NECTIN1: variants seen among roughly 807,000 people sequenced by gnomAD.
NECTIN1 encodes nectin cell adhesion molecule 1, also known as nectin-1.
In NECTIN1, 23 loss-of-function variants were observed where a neutral mutation model predicts 48.0. The ratio of observed to expected loss-of-function variants is 0.48; its 90% CI spans 0.34 to 0.68. The LOEUF (loss-of-function observed/expected upper bound fraction) is 0.68, where lower values mean the gene tolerates loss of function less well. NECTIN1 is among the 30% of genes least tolerant of loss of function. NECTIN1 has a pLI of 0.01. For synonymous variants in NECTIN1, 270 were observed against 288.9 expected, an observed-to-expected ratio of 0.93 and a Z score of 0.66; for missense variants, 591 against 709.9, an observed-to-expected ratio of 0.83 and a Z score of 1.90.
chr11:119,638,593 T>C (rs1864271901), intron 7 of NECTIN1: 2 of 842,614 alleles, frequency 2.4e-6, no homozygotes, highest in South Asian at 2.9e-5. Flanking sequence ...CCCTCTAGCA[T>C]GGACCTGGCC....
At chr11:119,723,111 C>T (rs181955744) in intron 1 of NECTIN1, among the ~76,000 whole-genome samples, 192 of 142,840 alleles carry the variant, frequency 1.3e-3, no homozygotes, top group Middle Eastern at 3.8e-3. Context: ...CCCAGCTACT[C>T]GGGAGGCTGA....
intron 1 of NECTIN1, among the ~76,000 whole-genome samples, chr11:119,681,674 C>T (rs901842001): frequency 7.2e-5 from 11 of 152,154 alleles, no homozygotes; most frequent in African/African-American, 2.7e-4. Flanking sequence ...GCAGGGGCAG[C>T]CCACGTCTAT....
At chr11:119,644,568 C>T (rs113370257) in intron 5 of NECTIN1, among the ~76,000 whole-genome samples, 5 of 152,292 alleles carry the variant, frequency 3.3e-5, no homozygotes, top group African/African-American at 9.6e-5. Flanking sequence ...GCATTGTGCC[C>T]GGTGTGAGGG....
At chr11:119,728,424 C>T in intron 1 of NECTIN1, 51 bp downstream of exon 1, 2 of 1,515,128 alleles carry the variant, frequency 1.3e-6, no homozygotes, top group Non-Finnish European at 1.8e-6. Context: ...GGCTCCCAGC[C>T]CCGGGGAGGC....
intron 5 of NECTIN1, among the ~76,000 whole-genome samples, chr11:119,649,470 A>C (rs1864459240): frequency 6.6e-6 from 1 of 151,866 alleles, no homozygotes; most frequent in Non-Finnish European, 1.5e-5. Context: ...GGTGGATTGC[A>C]TGAGCTCAGG....
At chr11:119,728,413 C>T (rs1190826977) in intron 1 of NECTIN1, 62 bp downstream of exon 1, 2 of 1,479,614 alleles carry the variant, frequency 1.4e-6, no homozygotes, top group Admixed American at 4.0e-5. Flanking sequence ...GCCCGCCATC[C>T]GGCTCCCAGC....
chr11:119,677,804 C>T lies in NECTIN1; in HGVS notation c.484G>A (p.Gly162Arg). The T allele has an allele frequency of 1.9e-6, 3 of 1,614,108 alleles. No individual in the cohort carries two copies. The highest frequency in any genetic ancestry group is 2.5e-6 in the Non-Finnish European group (3 of 1,180,000). The change falls in exon 3 of 6, where the codon GGG (glycine) becomes AGG (arginine). Residue 162 changes from glycine to arginine, a missense_variant. Transcript: ENST00000264025. This position sits in a 1 kb window ranked among gnomAD's most constrained non-coding sequence, Gnocchi z 5.4. The stretch of plus-strand genomic sequence containing the variant: ...GCCACCAGGACCTTGTCATCCTGCC[C>T]CTTCTTGGCTCGAAGCACTGCCTGG... ...GTQAVLRAKKGQDDKVLVATC... is the reference protein window; with the variant it reads ...GTQAVLRAKKRQDDKVLVATC...
chr11:119,685,350 G>T (rs569448306), intron 1 of NECTIN1, among the ~76,000 whole-genome samples: 1 of 152,360 alleles, frequency 6.6e-6, no homozygotes, highest in South Asian at 2.1e-4. Flanking sequence ...CCTTGGGCGG[G>T]TGAGCACAGT....
intron 1 of NECTIN1, among the ~76,000 whole-genome samples, chr11:119,695,745 A>C (rs528181382): frequency 6.6e-6 from 1 of 152,152 alleles, no homozygotes; most frequent in Non-Finnish European, 1.5e-5. Flanking sequence ...GATGGGCTGC[A>C]TATGTGGGGG....
chr11:119,670,868 A>G (rs1338322065), intron 5 of NECTIN1, among the ~76,000 whole-genome samples: 1 of 151,726 alleles, frequency 6.6e-6, no homozygotes, highest in Non-Finnish European at 1.5e-5. Flanking sequence ...CGAACTCCTG[A>G]TCTCAAGTGG....
rs1163551430 is a variant in NECTIN1 at position 119,678,472 on chromosome 11, C to A, written c.373G>T (p.Glu125Ter). 1 of 1,614,228 alleles carries A rather than the reference C, an allele frequency of 6.2e-7. No individual in the cohort carries two copies. The highest frequency in any genetic ancestry group is 2.2e-5 in the East Asian group (1 of 44,890). Residue 125 changes from glutamate to a stop codon, truncating the protein, a stop_gained, in exon 2 of 6, where the codon GAG becomes TAG. Coordinates refer to ENST00000264025, the MANE Select transcript of NECTIN1 (RefSeq NM_002855.5). LOFTEE classifies it high-confidence loss of function. This position sits in a 1 kb window ranked among gnomAD's most constrained non-coding sequence, Gnocchi z 4.4. ...ELEDEGVYIC[E>*]FATFPTGNRE... ...TTGCCCGTAGGGAAGGTAGCAAACT[C>A]GCAGATGTAGACACCCTCATCCTCC...
intron 1 of NECTIN1, among the ~76,000 whole-genome samples, chr11:119,714,481 A>G (rs902028408): frequency 2.0e-5 from 3 of 151,964 alleles, no homozygotes; most frequent in Non-Finnish European, 4.4e-5. Flanking sequence ...GCAGCCCCAC[A>G]TCCATCCCCC....
downstream of NECTIN1, among the ~76,000 whole-genome samples, chr11:119,657,155 G>A (rs544296724): frequency 6.6e-6 from 1 of 152,172 alleles, no homozygotes; most frequent in African/African-American, 2.4e-5. Context: ...AGCATTGTTC[G>A]GCACTCAAAC....
Position 119,665,359 on chromosome 11 carries a change from G to T in NECTIN1, c.1004-62C>A. 2 of 1,510,050 alleles carry T rather than the reference G, an allele frequency of 1.3e-6. No individual in the cohort carries two copies. The highest frequency in any genetic ancestry group is 1.8e-6 in the Non-Finnish European group (2 of 1,133,188). The allele number at this position is 1,510,050 out of a possible 1,614,324, so 93.5% of individuals were successfully genotyped here. ...CGTGTGCTCCTGGGGTGTAGAGGGG[G>T]TGGGAGGGAGGCAGGGAAAGGAGAG... On this transcript the variant is annotated intron_variant, in intron 5 of 5. Coordinates refer to ENST00000264025, the MANE Select transcript of NECTIN1 (RefSeq NM_002855.5). The surrounding 1 kb of genome is among the most constrained non-coding windows in gnomAD (Gnocchi z 5.1).
intron 5 of NECTIN1, among the ~76,000 whole-genome samples, chr11:119,670,388 A>G (rs1864845320): frequency 6.6e-6 from 1 of 152,202 alleles, no homozygotes; most frequent in African/African-American, 2.4e-5. Flanking sequence ...ACCGCTTGTC[A>G]TGTGGTCAAT....
In NECTIN1 at chr11:119,665,433, C is replaced by G; in HGVS notation, c.1004-136G>C. 7.1e-7 allele frequency: 1 copy of G among 1,415,398 alleles called. No homozygotes were observed. Among genetic ancestry groups the G allele is most frequent in the Non-Finnish European group, 9.3e-7 (1 of 1,079,804 alleles). 87.7% of individuals were successfully genotyped at this position (1,415,398 alleles called of 1,614,324 possible). A position where few individuals can be genotyped will look rare whatever the true frequency, so the allele number is the denominator to read the frequency against. The stretch of plus-strand genomic sequence containing the variant: ...ACCCCAGGTTTGAGCAGCTCCAGTT[C>G]GAGGCCCCGCAGCACTCCACCCATC... On this transcript the variant is annotated intron_variant, in intron 5 of 5. Transcript: ENST00000264025. The surrounding 1 kb of genome is among the most constrained non-coding windows in gnomAD (Gnocchi z 5.1).
intron 1 of NECTIN1, among the ~76,000 whole-genome samples, chr11:119,681,617 G>T (rs1201351161): frequency 6.6e-6 from 1 of 152,176 alleles, no homozygotes; most frequent in African/African-American, 2.4e-5. Flanking sequence ...GCTGCAAGGT[G>T]GCCGGGCACC....
chr11:119,643,844 C>T (rs1428314305), intron 5 of NECTIN1, among the ~76,000 whole-genome samples: 1 of 152,246 alleles, frequency 6.6e-6, no homozygotes, highest in African/African-American at 2.4e-5. Context: ...GGTGGGGCCT[C>T]CAGGGAGCAC....
chr11:119,708,649 C>T (rs976921291), intron 1 of NECTIN1, among the ~76,000 whole-genome samples: 13 of 151,958 alleles, frequency 8.6e-5, no homozygotes, highest in African/African-American at 2.7e-4. Flanking sequence ...TAATGAATAC[C>T]GAGGTTCTTT....
Sources: allele counts gnomAD v4.1 joint callset (sites outside exome capture counted in the v4.1 genomes callset), GRCh38; gene constraint gnomAD v4.1.1; non-coding constraint Gnocchi (gnomAD v3.1); transcripts MANE v1.5; gene names NCBI Gene and HGNC (gene_info 2026-07-23, HGNC 2026-07-21).